The following PCDHGA1 variants were observed in gnomAD, a reference collection of about 807,000 sequenced individuals.
PCDHGA1 encodes protocadherin gamma-A1.
Under a neutral mutation model 58.0 loss-of-function variants are expected in PCDHGA1, and 32 were observed. The ratio of observed to expected loss-of-function variants is 0.55; its 90% CI spans 0.42 to 0.74. PCDHGA1 has a LOEUF of 0.74. PCDHGA1 is among the 30% of genes least tolerant of loss of function. The probability of loss-of-function intolerance (pLI) is 0.00; values close to 1 mark genes in which losing one functional copy is unlikely to be tolerated. For synonymous variants in PCDHGA1, 498 were observed against 501.1 expected (o/e 0.99, Z 0.08); for missense variants, 1,205 against 1,182.3 (o/e 1.02, Z -0.28).
chr5:141,351,265 C>T (rs748596533), intron 1 of PCDHGA1: 4 of 1,613,896 alleles, frequency 2.5e-6, no homozygotes, highest in Admixed American at 1.7e-5. Flanking sequence ...AAATTGTTGA[C>T]GAGAATGACA....
In PCDHGA1 at chr5:141,491,778, C is replaced by T. The variant is rs568710854; in HGVS notation, c.2422-3029C>T. 3.1e-4 allele frequency: 482 copies of T among 1,547,678 alleles called. No homozygotes were observed. The highest frequency in any genetic ancestry group is 2.2e-3 in the Middle Eastern group (13 of 5,890). On this transcript the variant is annotated intron_variant, in intron 1 of 3. Transcript: ENST00000517417. This position sits in a 1 kb window ranked among gnomAD's most constrained non-coding sequence, Gnocchi z 6.9. Reference sequence around the variant, plus strand: ...CCGCCCGTCCTCATAAGGGATTGAACTTGCATCCACTCCTCTCCGGCCGGC... The same window carrying T: ...CCGCCCGTCCTCATAAGGGATTGAATTTGCATCCACTCCTCTCCGGCCGGC...
rs543038539 is a variant in PCDHGA1 at position 141,415,850 on chromosome 5, C to A, written c.2422-78957C>A. 7.3e-6 allele frequency: 9 copies of A among 1,230,004 alleles called. No homozygotes were observed. In the East Asian group the frequency reaches 2.6e-4, roughly 35 times the overall value. The allele number at this position is 1,230,004 out of a possible 1,614,324, so 76.2% of individuals were successfully genotyped here. ...TTTGTTATGATTAGCTTTGCAGAAC[C>A]TTGTAGTTTATAGTGTTGTTGAGTA... On this transcript the variant is annotated intron_variant, in intron 1 of 3. Coordinates refer to ENST00000517417, the MANE Select transcript of PCDHGA1 (RefSeq NM_018912.3).
intron 3 of PCDHGA1, chr5:141,507,274 C>T (rs1000866082): frequency 1.3e-5 from 2 of 151,532 alleles, no homozygotes; most frequent in Non-Finnish European, 2.9e-5. Context: ...ACTATTTCAG[C>T]ATAAGTCAGT....
intron 1 of PCDHGA1, chr5:141,384,495 G>A (rs187774047): frequency 5.0e-6 from 8 of 1,614,162 alleles, no homozygotes; most frequent in Non-Finnish European, 6.8e-6. Context: ...AACTAAGAGT[G>A]ACTGCACATG....
At chr5:141,360,479 A>G in intron 1 of PCDHGA1, 2 of 1,613,948 alleles carry the variant, frequency 1.2e-6, no homozygotes, top group Non-Finnish European at 1.7e-6. Flanking sequence ...AATCCACTAA[A>G]TATTTTCTAC....
intron 2 of PCDHGA1, among the ~76,000 whole-genome samples, chr5:141,496,500 C>T (rs1350421492): frequency 6.6e-6 from 1 of 152,162 alleles, no homozygotes; most frequent in Non-Finnish European, 1.5e-5. Flanking sequence ...ACCCTTGTTG[C>T]CACAAGGACC....
intron 1 of PCDHGA1, among the ~76,000 whole-genome samples, chr5:141,337,463 A>G (rs2149718822): frequency 6.6e-6 from 1 of 152,356 alleles, no homozygotes. Flanking sequence ...GAATTCTGTT[A>G]CATGCTACAA....
intron 1 of PCDHGA1, chr5:141,376,094 A>T: frequency 6.2e-7 from 1 of 1,613,544 alleles, no homozygotes. Flanking sequence ...GATCCCCGAC[A>T]TCCTGGCCGA....
chr5:141,427,931 G>T (rs1381637805), intron 1 of PCDHGA1: 3 of 1,583,646 alleles, frequency 1.9e-6, no homozygotes, highest in Non-Finnish European at 2.6e-6. Flanking sequence ...GGCGCATGTT[G>T]GTGGGCGACC....
At chr5:141,414,183 A>C in intron 1 of PCDHGA1, 1 of 1,609,508 alleles carries the variant, frequency 6.2e-7, no homozygotes, top group Non-Finnish European at 8.5e-7. Flanking sequence ...CAACTGCAAA[A>C]GTGTTGATTA....
chr5:141,412,020 C>G (rs1158851404), intron 1 of PCDHGA1: 1 of 145,358 alleles, frequency 6.9e-6, no homozygotes, highest in Non-Finnish European at 1.5e-5. Context: ...TCTGAACATC[C>G]TGTTCTCTGT....
At chr5:141,340,919 G>T (rs374086757) in intron 1 of PCDHGA1, 1 of 1,613,660 alleles carries the variant, frequency 6.2e-7, no homozygotes, top group African/African-American at 1.3e-5. Flanking sequence ...CCAGGACCAC[G>T]GCCAGCCCCC....
rs71576115 is a variant in PCDHGA1 at position 141,463,438 on chromosome 5, C to CTTTT, written c.2422-31344_2422-31341dup. Among the ~76,000 whole-genome samples, 106 of 103,254 alleles carry CTTTT rather than the reference C, an allele frequency of 1.0e-3. 8 individuals are homozygous for CTTTT. Among genetic ancestry groups the CTTTT allele is most frequent in the African/African-American group, 3.9e-3 (88 of 22,404 alleles). The allele number at this position is 103,254 out of a possible 152,430, so 67.7% of individuals were successfully genotyped here. ...GTTTGCGGATCCTCATTTCCTTCTC[C>CTTTT]TTTTTTTTTTTTTTTTTTTTTTTTT... is the stretch of plus-strand genomic sequence containing the variant. On this transcript the variant is annotated intron_variant, in intron 1 of 3. Transcript: ENST00000517417.
chr5:141,374,636 G>A, intron 1 of PCDHGA1: 1 of 1,612,960 alleles, frequency 6.2e-7, no homozygotes, highest in Non-Finnish European at 8.5e-7. Flanking sequence ...CGTGCAAAGC[G>A]AAGCCCATGG....
chr5:141,370,530 C>T (rs1302599880), intron 1 of PCDHGA1: 2 of 1,613,800 alleles, frequency 1.2e-6, no homozygotes, highest in Non-Finnish European at 1.7e-6. Flanking sequence ...CAGGGGCTCG[C>T]TGGTAGGGAA....
chr5:141,490,652 C>A lies in PCDHGA1; in HGVS notation c.2422-4155C>A. ...ATCCTAGAAAACCGGCCTCCGGGCT[C>A]CCTTCTTTGCACTGTGGCTGCCTCA... On this transcript the variant is annotated intron_variant, in intron 1 of 3. Transcript: ENST00000517417. The surrounding 1 kb of genome is among the most constrained non-coding windows in gnomAD (Gnocchi z 5.4). 6.2e-7 allele frequency: 1 copy of A among 1,614,208 alleles called. No individual in the cohort carries two copies. Among genetic ancestry groups the A allele is most frequent in the Non-Finnish European group, 8.5e-7 (1 of 1,180,026 alleles).
intron 1 of PCDHGA1, chr5:141,372,298 G>T (rs1768627083): frequency 6.2e-7 from 1 of 1,613,330 alleles, no homozygotes; most frequent in Non-Finnish European, 8.5e-7. Flanking sequence ...TTGGGCGACA[G>T]GGAGGCCGCC....
chr5:141,350,210 T>C, intron 1 of PCDHGA1: 1 of 1,481,274 alleles, frequency 6.8e-7, no homozygotes, highest in Non-Finnish European at 9.0e-7. Flanking sequence ...TGCTGCCATT[T>C]CTTTTTGAAA....
In PCDHGA1 at chr5:141,485,051, CCGAACCGCG is replaced by C. The variant is rs2099605816; in HGVS notation, c.2422-9754_2422-9746del. On this transcript the variant is annotated intron_variant, in intron 1 of 3. Coordinates refer to ENST00000517417, the MANE Select transcript of PCDHGA1 (RefSeq NM_018912.3). This position sits in a 1 kb window ranked among gnomAD's most constrained non-coding sequence, Gnocchi z 5.7. ...CGGCGCGTAACCCTTGCGGCGCCGG[CCGAACCGCG>C]CCAGAGCTGGCGCGGGGAAAGGGAG... 1.2e-6 allele frequency: 1 copy of C among 801,304 alleles called. No individual in the cohort carries two copies. Among genetic ancestry groups the C allele is most frequent in the East Asian group, 2.5e-5 (1 of 40,224 alleles). 49.6% of individuals were successfully genotyped at this position (801,304 alleles called of 1,614,324 possible). A position where few individuals can be genotyped will look rare whatever the true frequency, so the allele number is the denominator to read the frequency against.
Sources: gnomAD v4.1 joint callset for allele counts (sites outside exome capture counted in the v4.1 genomes callset) on GRCh38, gnomAD v4.1.1 for gene constraint, Gnocchi (gnomAD v3.1) non-coding constraint, MANE v1.5 for transcripts, NCBI Gene and HGNC (gene_info 2026-07-23, HGNC 2026-07-21) for gene names.